Variants in NDUFB9 observed in about 807,000 individuals in gnomAD.
NDUFB9 encodes the protein NADH:ubiquinone oxidoreductase subunit B9.
In NDUFB9, 24 loss-of-function variants were observed where a neutral mutation model predicts 30.2. That is an observed-to-expected ratio of 0.80 (90% confidence interval 0.58 to 1.12). The LOEUF (loss-of-function observed/expected upper bound fraction) is 1.12, where lower values mean the gene tolerates loss of function less well. Among genes scored for constraint, NDUFB9 ranks in the 50% most tolerant of loss-of-function variants. The probability of loss-of-function intolerance (pLI) is 0.00; values close to 1 mark genes in which losing one functional copy is unlikely to be tolerated. For synonymous variants in NDUFB9, 80 were observed against 84.0 expected (o/e 0.95, Z 0.26); for missense variants, 204 against 226.0 (o/e 0.90, Z 0.62).
chr8:124,542,904 T>C, intron 1 of NDUFB9, 183 bp from the exon 2 acceptor site: 1 of 627,446 alleles, frequency 1.6e-6, no homozygotes, highest in Non-Finnish European at 2.8e-6. Context: ...AGTATTTTTT[T>C]GCTGCTGCTG....
In NDUFB9 at chr8:124,547,079, G is replaced by A; in HGVS notation, c.374G>A (p.Trp125Ter). Residue 125 changes from tryptophan to a stop codon, truncating the protein, a stop_gained, in exon 3 of 4, where the codon TGG (tryptophan) becomes TAG (stop). Coordinates refer to ENST00000276689, the MANE Select transcript of NDUFB9 (RefSeq NM_005005.3). LOFTEE classifies it high-confidence loss of function. ...GATTACTTTGCCAAGAGAGAACAGT[G>A]GAAGAAACTGCGGAGGGAAAGCTGG... ...YPDYFAKREQ[W>*]KKLRRESWER... is the part of the protein sequence containing the mutation. The A allele has an allele frequency of 6.2e-7, 1 of 1,613,760 alleles. No homozygotes were observed. The highest frequency in any genetic ancestry group is 8.5e-7 in the Non-Finnish European group (1 of 1,179,940).
chr8:124,540,917 C>T (rs1821949742), intron 1 of NDUFB9, among the ~76,000 whole-genome samples: 1 of 152,212 alleles, frequency 6.6e-6, no homozygotes, highest in Admixed American at 6.5e-5. Flanking sequence ...CGCCTATAAT[C>T]CCAGTACTTT....
chr8:124,539,372 A>G (rs1821819776), intron 1 of NDUFB9, 85 bp downstream of exon 1: 1 of 1,231,594 alleles, frequency 8.1e-7, no homozygotes, highest in Non-Finnish European at 1.2e-6. Flanking sequence ...TGGAGGTTCA[A>G]GGACTTCGGG....
chr8:124,541,889 AC>A (rs753849688), intron 1 of NDUFB9, among the ~76,000 whole-genome samples: 5 of 151,120 alleles, frequency 3.3e-5, no homozygotes, highest in Non-Finnish European at 5.9e-5. Context: ...GGCGTGAGCC[AC>A]CGTGCCTGGC....
At chr8:124,539,513 T>G (rs1821838141) in intron 1 of NDUFB9, 1 of 560,336 alleles carries the variant, frequency 1.8e-6, no homozygotes, top group South Asian at 2.1e-5. Flanking sequence ...AGCTTTTTGT[T>G]TAGTAAAACG....
rs1209263324 is a variant in NDUFB9 at position 124,544,568 on chromosome 8, C to G, written c.294+1289C>G. Among the ~76,000 whole-genome samples the G allele has an allele frequency of 1.3e-4, 20 of 152,276 alleles. No homozygotes were observed. The East Asian group carries it at 3.7e-3, about 28-fold the overall frequency. On this transcript the variant is annotated intron_variant, in intron 2 of 3. Transcript: ENST00000276689. ...GTGGTTTTAAGTTGAAGCCATTGTTCATTTGCCATTCTGAAAATCCTGAGG... is the reference window on the plus strand; with the variant it reads ...GTGGTTTTAAGTTGAAGCCATTGTTGATTTGCCATTCTGAAAATCCTGAGG...
chr8:124,544,744 A>G (rs1250213351), intron 2 of NDUFB9, among the ~76,000 whole-genome samples: 2 of 152,216 alleles, frequency 1.3e-5, no homozygotes, highest in Non-Finnish European at 2.9e-5. Flanking sequence ...CACAACATCC[A>G]TTCTGCAGCC....
At chr8:124,546,423 A>G (rs1008538420) in intron 2 of NDUFB9, among the ~76,000 whole-genome samples, 1 of 152,196 alleles carries the variant, frequency 6.6e-6, no homozygotes, top group Non-Finnish European at 1.5e-5. Context: ...TTTTATATGC[A>G]CTGGGAAACC....
intron 2 of NDUFB9, 65 bp from the exon 3 acceptor site, chr8:124,546,935 C>T: frequency 9.4e-7 from 1 of 1,059,038 alleles, no homozygotes; most frequent in Non-Finnish European, 1.5e-6. Flanking sequence ...ATCTCCTGAG[C>T]AGGCCCTGTC....
intron 3 of NDUFB9, among the ~76,000 whole-genome samples, chr8:124,548,693 C>T (rs553391652): frequency 7.0e-4 from 107 of 151,798 alleles, no homozygotes; most frequent in African/African-American, 2.5e-3. Context: ...TGAGGTTATT[C>T]GAAAGGAAGC....
Position 124,542,196 on chromosome 8 carries a change from G to A in NDUFB9, c.102-891G>A, listed in dbSNP as rs865827313. On this transcript the variant is annotated intron_variant, in intron 1 of 3. Transcript: ENST00000276689. ...CTCCCAAAGTGCTGGGATTACAGGC[G>A]TGAGCCACCATGCCCGGCCTCATTT... Among the ~76,000 whole-genome samples, 17 of 152,202 alleles carry A rather than the reference G, an allele frequency of 1.1e-4. No individual in the cohort carries two copies. In the South Asian group the frequency reaches 2.7e-3, roughly 24 times the overall value.
chr8:124,547,496 T>C, intron 3 of NDUFB9: 1 of 534,878 alleles, frequency 1.9e-6, no homozygotes, highest in Non-Finnish European at 3.3e-6. Context: ...GAAGAATATA[T>C]TGGAGAGGGG....
intron 3 of NDUFB9, chr8:124,547,581 G>T (rs11996628): frequency 0.017 from 5,343 of 319,440 alleles, 269 homozygotes; most frequent in African/African-American, 0.11. Context: ...CTAACACTAG[G>T]GTGGATGAAG....
At chr8:124,539,764 AG>A (rs1435585715) in intron 1 of NDUFB9, among the ~76,000 whole-genome samples, 1 of 152,190 alleles carries the variant, frequency 6.6e-6, no homozygotes, top group African/African-American at 2.4e-5. Context: ...AACTTGCGCA[AG>A]GTGATAGAGT....
rs1194123741 is a variant in NDUFB9 at position 124,546,638 on chromosome 8, TTTAAAG to T, written c.295-357_295-352del. On this transcript the variant is annotated intron_variant, in intron 2 of 3. Transcript: ENST00000276689. ...TGCTATAACAAAGTTCATTTTGGAC[TTTAAAG>T]TTAACCAACTTGGATTGGTGCTTAA... is the stretch of plus-strand genomic sequence containing the variant. 4.6e-5 allele frequency: 14 copies of T among 305,986 alleles called. No individual in the cohort carries two copies. In the East Asian group the frequency reaches 8.5e-4, roughly 19 times the overall value. 19.0% of individuals were successfully genotyped at this position (305,986 alleles called of 1,614,324 possible). A position where few individuals can be genotyped will look rare whatever the true frequency, so the allele number is the denominator to read the frequency against.
Position 124,543,184 on chromosome 8 carries a change from G to A in NDUFB9, c.199G>A (p.Ala67Thr). ...MAKATQLLKE[A>T]EEEFWYRQHP... Reference sequence around the variant, plus strand: ...GAAGGCCACCCAGCTGCTGAAGGAGGCCGAGGAAGAATTCTGGTACCGTCA... The same window carrying A: ...GAAGGCCACCCAGCTGCTGAAGGAGACCGAGGAAGAATTCTGGTACCGTCA... The change falls in exon 2 of 4, where the codon GCC (alanine) becomes ACC (threonine). Residue 67 changes from alanine (A) to threonine (T), a missense_variant. By Grantham distance (58) the Ala-to-Thr change is moderately conservative. Coordinates refer to ENST00000276689, the MANE Select transcript of NDUFB9 (RefSeq NM_005005.3). 6.2e-7 allele frequency: 1 copy of A among 1,614,218 alleles called. No individual in the cohort carries two copies. Among genetic ancestry groups the A allele is most frequent in the Non-Finnish European group, 8.5e-7 (1 of 1,180,036 alleles).
chr8:124,542,195 C>T (rs1478334350), intron 1 of NDUFB9, among the ~76,000 whole-genome samples: 6 of 151,726 alleles, frequency 4.0e-5, no homozygotes, highest in African/African-American at 1.2e-4. Flanking sequence ...GGATTACAGG[C>T]GTGAGCCACC....
rs867190668 is a variant in NDUFB9 at position 124,540,169 on chromosome 8, G to A, written c.101+882G>A. ...CCCTCGAAGCCCAGATTGCATATATGTGACTATTAGAAAATCACTGACATA... is the reference window on the plus strand; with the variant it reads ...CCCTCGAAGCCCAGATTGCATATATATGACTATTAGAAAATCACTGACATA... On this transcript the variant is annotated intron_variant, in intron 1 of 3. Transcript: ENST00000276689. Among the ~76,000 whole-genome samples, 3 of 152,214 alleles carry A rather than the reference G, an allele frequency of 2.0e-5. No individual in the cohort carries two copies. In the South Asian group the frequency reaches 6.2e-4, roughly 31 times the overall value.
chr8:124,546,798 G>T, intron 2 of NDUFB9: 4 of 615,772 alleles, frequency 6.5e-6, no homozygotes, highest in Non-Finnish European at 1.2e-5. Flanking sequence ...TTTCAGCACA[G>T]TCTTTGACTC....
Sources: gnomAD v4.1 joint callset for allele counts (sites outside exome capture counted in the v4.1 genomes callset) on GRCh38, gnomAD v4.1.1 for gene constraint, MANE v1.5 for transcripts, NCBI Gene and HGNC (gene_info 2026-07-23, HGNC 2026-07-21) for gene names.